Variants in ZNF713 observed in about 807,000 individuals in gnomAD.
ZNF713 encodes zinc finger protein 713.
ZNF713 carries 21 observed loss-of-function variants against 28.7 expected under a neutral mutation model. The observed-to-expected ratio is 0.73, with a 90% CI of 0.52 to 1.05. ZNF713 has a LOEUF of 1.05. ZNF713 is among the 50% of genes least tolerant of loss of function. The pLI is 0.00. For synonymous variants in ZNF713, 167 were observed against 178.0 expected, an observed-to-expected ratio of 0.94 and a Z score of 0.49; for missense variants, 458 against 532.4, an observed-to-expected ratio of 0.86 and a Z score of 1.37.
rs1786478857 is a variant in ZNF713 at position 55,941,995 on chromosome 7, C to A, written c.*1989C>A. 6.6e-6 allele frequency: 1 copy of A among 152,052 alleles called. No individual in the cohort carries two copies. Among genetic ancestry groups the A allele is most frequent in the Non-Finnish European group, 1.5e-5 (1 of 68,004 alleles). The allele number at this position is 152,052 out of a possible 1,614,324, so 9.4% of individuals were successfully genotyped here. On this transcript the variant is annotated 3_prime_UTR_variant, in exon 7 of 7. Coordinates refer to ENST00000429591, the MANE Select transcript of ZNF713 (RefSeq NM_182633.3). Reference sequence around the variant, plus strand: ...GTTTTAGCTTTAAATTTCCCTGTGGCAAGTCTAGATTTTTTTTCAGTTAAA... The same window carrying A: ...GTTTTAGCTTTAAATTTCCCTGTGGAAAGTCTAGATTTTTTTTCAGTTAAA...
intron 1 of ZNF713, among the ~76,000 whole-genome samples, chr7:55,900,275 C>G (rs1223953925): frequency 6.6e-6 from 1 of 152,020 alleles, no homozygotes; most frequent in Non-Finnish European, 1.5e-5. Flanking sequence ...TGAGATCAGC[C>G]TGACCAACAT....
At chr7:55,917,768 T>C (rs1785912886) in intron 4 of ZNF713, among the ~76,000 whole-genome samples, 1 of 152,232 alleles carries the variant, frequency 6.6e-6, no homozygotes, top group South Asian at 2.1e-4. Flanking sequence ...AAATGGATCT[T>C]AAACACAGGA....
rs773056055 is a variant in ZNF713, at chr7:55,941,770, C to G, written c.*1764C>G. The G allele has an allele frequency of 1.3e-5, 2 of 151,928 alleles. No homozygotes were observed. The highest frequency in any genetic ancestry group is 2.9e-5 in the Non-Finnish European group (2 of 68,002). The allele number at this position is 151,928 out of a possible 1,614,324, so 9.4% of individuals were successfully genotyped here. On this transcript the variant is annotated 3_prime_UTR_variant, in exon 7 of 7. Coordinates refer to ENST00000429591, the MANE Select transcript of ZNF713 (RefSeq NM_182633.3). The stretch of plus-strand genomic sequence containing the variant: ...AATTAAAAATATTCGTTGATGTCCC[C>G]CCAAAAATCTTGTGTGCCGTTGTTT...
At chr7:55,895,895 T>A (rs567646234) in intron 1 of ZNF713, among the ~76,000 whole-genome samples, 7 of 152,124 alleles carry the variant, frequency 4.6e-5, no homozygotes, top group Non-Finnish European at 8.8e-5. Context: ...AAAGGTTGAG[T>A]CATTTACCCA....
chr7:55,920,596 G>C (rs560824584), intron 4 of ZNF713, among the ~76,000 whole-genome samples: 1 of 152,298 alleles, frequency 6.6e-6, no homozygotes, highest in Non-Finnish European at 1.5e-5. Flanking sequence ...AAGCTGTCTC[G>C]ATAACATAAA....
chr7:55,940,010 A>C lies in ZNF713; in HGVS notation c.*4A>C, dbSNP rs1338354469. Reference sequence around the variant, plus strand: ...TCCTTCATTTAGCAGCACATAACTTATGGTGGGGGAAATCAGATAAATATA... The same window carrying C: ...TCCTTCATTTAGCAGCACATAACTTCTGGTGGGGGAAATCAGATAAATATA... On this transcript the variant is annotated 3_prime_UTR_variant, in exon 7 of 7. Transcript: ENST00000429591. The C allele has an allele frequency of 6.5e-7, 1 of 1,549,342 alleles. No homozygotes were observed. Among genetic ancestry groups the C allele is most frequent in the Non-Finnish European group, 8.7e-7 (1 of 1,149,338 alleles).
At chr7:55,889,226 C>T (rs953949888) in intron 1 of ZNF713, among the ~76,000 whole-genome samples, 1 of 151,886 alleles carries the variant, frequency 6.6e-6, no homozygotes, top group African/African-American at 2.4e-5. Flanking sequence ...CTCAGCTTCC[C>T]GATTAGCTGG....
intron 1 of ZNF713, among the ~76,000 whole-genome samples, chr7:55,901,868 G>A (rs549232869): frequency 1.3e-3 from 203 of 152,338 alleles, no homozygotes; most frequent in African/African-American, 4.4e-3. Flanking sequence ...ATGACATGTA[G>A]TTTGCTGTAT....
intron 5 of ZNF713, 58 bp downstream of exon 5, chr7:55,923,346 T>C (rs1786030908): frequency 6.4e-7 from 1 of 1,558,448 alleles, no homozygotes; most frequent in Non-Finnish European, 8.6e-7. Flanking sequence ...TTTCCTGAAC[T>C]AGTAGAAGCC....
chr7:55,901,801 G>A (rs1445457998), intron 1 of ZNF713, among the ~76,000 whole-genome samples: 2 of 152,220 alleles, frequency 1.3e-5, no homozygotes, highest in East Asian at 3.8e-4. Flanking sequence ...TGATTTCACT[G>A]CAGCCATAGT....
At chr7:55,888,757 T>C (rs557430504) in intron 1 of ZNF713, among the ~76,000 whole-genome samples, 481 of 45,070 alleles carry the variant, frequency 0.011, 2 homozygotes, top group African/African-American at 0.054. Flanking sequence ...ATAGATTTTT[T>C]TCATTTAAAA....
rs1479691673 is a variant in ZNF713 at position 55,904,226 on chromosome 7, C to T, written c.-582-2027C>T. 1.7e-4 allele frequency among the ~76,000 whole-genome samples: 19 copies of T among 114,130 alleles called. 8 individuals carry two copies. The highest frequency in any genetic ancestry group is 5.9e-4 in the African/African-American group (19 of 32,114). 74.9% of individuals were successfully genotyped at this position (114,130 alleles called of 152,430 possible). A position where few individuals can be genotyped will look rare whatever the true frequency, so the allele number is the denominator to read the frequency against. On this transcript the variant is annotated intron_variant, in intron 1 of 6. Coordinates refer to ENST00000429591, the MANE Select transcript of ZNF713 (RefSeq NM_182633.3). ...TCACACCTGCAATCCCAGCACCAGG[C>T]CGAGGCGGGTGGATCACTTGAGCTA...
intron 4 of ZNF713, among the ~76,000 whole-genome samples, chr7:55,913,938 C>T (rs1785834265): frequency 6.6e-6 from 1 of 151,998 alleles, no homozygotes; most frequent in African/African-American, 2.4e-5. Context: ...TGGTGAAACC[C>T]TGTCTCTACT....
At chr7:55,902,152 C>G (rs1209693169) in intron 1 of ZNF713, among the ~76,000 whole-genome samples, 1 of 152,086 alleles carries the variant, frequency 6.6e-6, no homozygotes, top group Non-Finnish European at 1.5e-5. Context: ...GGTTGCGCCA[C>G]TGCACTCCAG....
chr7:55,923,324 C>A, intron 5 of ZNF713, 36 bp downstream of exon 5: 1 of 1,581,778 alleles, frequency 6.3e-7, no homozygotes, highest in South Asian at 1.2e-5. Context: ...GGAAGCCGTT[C>A]ACGTGGGTTT....
At chr7:55,927,224 TA>T (rs1205946635) in intron 6 of ZNF713, among the ~76,000 whole-genome samples, 2 of 151,856 alleles carry the variant, frequency 1.3e-5, no homozygotes, top group Non-Finnish European at 2.9e-5. Context: ...GCAGCCAGAA[TA>T]AAAGGTAGTG....
intron 6 of ZNF713, among the ~76,000 whole-genome samples, chr7:55,928,969 CAAAAAAAAA>C (rs35152322): frequency 8.4e-6 from 1 of 119,336 alleles, no homozygotes; most frequent in Non-Finnish European, 1.7e-5. Flanking sequence ...CCATTTCTAC[CAAAAAAAAA>C]AAAAAAAAAA....
At chr7:55,928,215 T>A (rs552372646) in intron 6 of ZNF713, among the ~76,000 whole-genome samples, 11 of 152,256 alleles carry the variant, frequency 7.2e-5, no homozygotes, top group African/African-American at 2.4e-4. Context: ...CCCGTGAGAC[T>A]CTGCCCCATA....
intron 6 of ZNF713, among the ~76,000 whole-genome samples, chr7:55,934,298 T>A (rs1445134801): frequency 6.6e-6 from 1 of 152,080 alleles, no homozygotes; most frequent in Admixed American, 6.6e-5. Flanking sequence ...TTAGCAGGTC[T>A]ACAGATCCCC....
Sources: allele counts gnomAD v4.1 joint callset (sites outside exome capture counted in the v4.1 genomes callset), GRCh38; gene constraint gnomAD v4.1.1; transcripts MANE v1.5; gene names NCBI Gene and HGNC (gene_info 2026-07-23, HGNC 2026-07-21).